ERBIN: variants seen among roughly 807,000 people sequenced by gnomAD.
ERBIN encodes the protein densin-180-like protein.
ERBIN carries 60 observed loss-of-function variants against 158.4 expected under a neutral mutation model. The ratio of observed to expected loss-of-function variants is 0.38; its 90% CI spans 0.31 to 0.47. The LOEUF (loss-of-function observed/expected upper bound fraction) is 0.47, where lower values mean the gene tolerates loss of function less well. Ranked by LOEUF, ERBIN falls within the 20% of genes least tolerant of loss-of-function variation. ERBIN has a pLI of 0.99. For missense variants in ERBIN, 1,610 were observed against 1,648.0 expected (o/e 0.98, Z 0.40); for synonymous variants, 594 against 557.2 (o/e 1.07, Z -0.93).
chr5:66,019,247 A>G (rs763712984), intron 7 of ERBIN, among the ~76,000 whole-genome samples: 3 of 152,162 alleles, frequency 2.0e-5, no homozygotes, highest in African/African-American at 7.2e-5. Context: ...AAACAAGAGG[A>G]TATAGTTTTA....
chr5:66,000,743 A>G (rs866225531), intron 4 of ERBIN, among the ~76,000 whole-genome samples: 1 of 152,018 alleles, frequency 6.6e-6, no homozygotes, highest in Admixed American at 6.6e-5. Context: ...TGTTACTTGT[A>G]TTTTCTCTCC....
intron 4 of ERBIN, among the ~76,000 whole-genome samples, chr5:66,007,770 A>AGATAGGTAATACC (rs1257445547): frequency 2.0e-5 from 3 of 152,242 alleles, no homozygotes; most frequent in Non-Finnish European, 4.4e-5. Context: ...CATTTGCTGA[A>AGATAGGTAATACC]TAACTTTGAA....
At chr5:65,969,043 A>G (rs1028337584) in intron 1 of ERBIN, among the ~76,000 whole-genome samples, 1 of 152,310 alleles carries the variant, frequency 6.6e-6, no homozygotes, top group Non-Finnish European at 1.5e-5. Flanking sequence ...AGGGCATATA[A>G]GTGAATGAGA....
At chr5:65,976,509 TTTTCTTTTTTC>T (rs1749876175) in intron 1 of ERBIN, among the ~76,000 whole-genome samples, 2 of 149,260 alleles carry the variant, frequency 1.3e-5, no homozygotes, top group African/African-American at 5.1e-5. Flanking sequence ...AAGCTATTTC[TTTTCTTTTTTC>T]TTTTTTTTTT....
intron 1 of ERBIN, among the ~76,000 whole-genome samples, chr5:65,955,208 TA>T (rs1167592372): frequency 3.3e-5 from 5 of 152,116 alleles, no homozygotes; most frequent in South Asian, 2.1e-4. Context: ...TGCTAGCACA[TA>T]GGGGGGCCAA....
intron 1 of ERBIN, among the ~76,000 whole-genome samples, chr5:65,940,221 C>T (rs1744685372): frequency 6.7e-6 from 1 of 148,762 alleles, no homozygotes; most frequent in Admixed American, 6.6e-5. Flanking sequence ...ATGTGAGGAG[C>T]GCCTCTACCC....
chr5:66,013,727 C>T lies in ERBIN; in HGVS notation c.476+89C>T, dbSNP rs747924820. On this transcript the variant is annotated intron_variant, in intron 6 of 25. Transcript: ENST00000284037. ...GCTGCTTTGGTAGTACTACTCATTACAGTTTCATAGGCTCTTTTTAAATTA... is the reference window on the plus strand; with the variant it reads ...GCTGCTTTGGTAGTACTACTCATTATAGTTTCATAGGCTCTTTTTAAATTA... 15 of 767,402 alleles carry T rather than the reference C, an allele frequency of 2.0e-5. No individual in the cohort carries two copies. In the African/African-American group the frequency reaches 2.1e-4, roughly 11 times the overall value. The allele number at this position is 767,402 out of a possible 1,614,324, so 47.5% of individuals were successfully genotyped here. A position where few individuals can be genotyped will look rare whatever the true frequency, so the allele number is the denominator to read the frequency against.
chr5:65,976,799 T>C (rs374915667), intron 1 of ERBIN, among the ~76,000 whole-genome samples: 2 of 151,538 alleles, frequency 1.3e-5, no homozygotes, highest in Admixed American at 6.6e-5. Flanking sequence ...CCTGAGTGGA[T>C]ACAGCACATG....
At chr5:65,940,444 T>C (rs76431996) in intron 1 of ERBIN, among the ~76,000 whole-genome samples, 85,767 of 102,498 alleles carry the variant, frequency 0.84, 36,031 homozygotes, top group African/African-American at 0.88. Flanking sequence ...CCCGGCCAGC[T>C]GCCCCGTCCG....
At chr5:65,981,488 A>G (rs897902824) in intron 1 of ERBIN, among the ~76,000 whole-genome samples, 3 of 152,162 alleles carry the variant, frequency 2.0e-5, no homozygotes, top group Non-Finnish European at 2.9e-5. Flanking sequence ...AGATCAATAC[A>G]ATTGATAGGC....
chr5:66,016,683 G>A (rs750758790), intron 7 of ERBIN, among the ~76,000 whole-genome samples: 1 of 149,876 alleles, frequency 6.7e-6, no homozygotes, highest in Non-Finnish European at 1.5e-5. Flanking sequence ...GCATGATCTC[G>A]GTTCACTGCA....
In ERBIN at chr5:65,975,965, G is replaced by A. The variant is rs911186604; in HGVS notation, c.-57-12670G>A. On this transcript the variant is annotated intron_variant, in intron 1 of 25. Transcript: ENST00000284037. ...AGGGTTCTTTCTAGTTAATTTGACT[G>A]CCTTTTTCTGTTTCCATTTAGGGCT... 3.2e-4 allele frequency among the ~76,000 whole-genome samples: 48 copies of A among 152,158 alleles called. 1 individual carries two copies. The highest frequency in any genetic ancestry group is 1.2e-3 in the African/African-American group (48 of 41,432).
At chr5:65,996,866 GTATTT>G (rs984601847) in intron 4 of ERBIN, among the ~76,000 whole-genome samples, 1 of 151,936 alleles carries the variant, frequency 6.6e-6, no homozygotes, top group Non-Finnish European at 1.5e-5. Context: ...TTATTTCTAA[GTATTT>G]TATTTTTTTG....
intron 3 of ERBIN, among the ~76,000 whole-genome samples, chr5:65,993,906 C>T (rs1292108603): frequency 6.6e-6 from 1 of 152,072 alleles, no homozygotes; most frequent in Non-Finnish European, 1.5e-5. Context: ...TATACCTACT[C>T]CTGCAACCTT....
At chr5:66,026,708 T>A (rs1039763980) in intron 13 of ERBIN, among the ~76,000 whole-genome samples, 2 of 152,006 alleles carry the variant, frequency 1.3e-5, no homozygotes, top group African/African-American at 4.8e-5. Flanking sequence ...ATAACTTAAA[T>A]GAGGACTTAA....
At chr5:65,991,516 T>C (rs1441524945) in intron 2 of ERBIN, among the ~76,000 whole-genome samples, 1 of 152,226 alleles carries the variant, frequency 6.6e-6, no homozygotes, top group African/African-American at 2.4e-5. Flanking sequence ...GCTATAAAAT[T>C]GCCAATGTAT....
At chr5:66,035,556 C>T (rs1757314431) in intron 14 of ERBIN, among the ~76,000 whole-genome samples, 2 of 152,166 alleles carry the variant, frequency 1.3e-5, no homozygotes. Flanking sequence ...TCATCTTTCA[C>T]TTAGACCTGC....
At chr5:65,930,035 C>T (rs115889046) in intron 1 of ERBIN, among the ~76,000 whole-genome samples, 1,778 of 152,290 alleles carry the variant, frequency 0.012, 32 homozygotes, top group Middle Eastern at 0.065. Flanking sequence ...TCAGCTTTCT[C>T]TTCTGATTCC....
rs1755175843 is a variant in ERBIN, at chr5:66,018,520, A to AT, written c.534-2801dup. On this transcript the variant is annotated intron_variant, in intron 7 of 25. Transcript: ENST00000284037. ...TATAATATATATTATATATTATATA[A>AT]TATATATTATATTATATAATATATA... is the stretch of plus-strand genomic sequence containing the variant. Among the ~76,000 whole-genome samples, 2 of 6,874 alleles carry AT rather than the reference A, an allele frequency of 2.9e-4. 1 individual carries two copies. Among genetic ancestry groups the AT allele is most frequent in the Non-Finnish European group, 6.3e-4 (2 of 3,190 alleles). The allele number at this position is 6,874 out of a possible 152,430, so 4.5% of individuals were successfully genotyped here.
Sources: allele counts gnomAD v4.1 joint callset (sites outside exome capture counted in the v4.1 genomes callset), GRCh38; gene constraint gnomAD v4.1.1; transcripts MANE v1.5; gene names NCBI Gene and HGNC (gene_info 2026-07-23, HGNC 2026-07-21).